The following GRID2 variants were observed in gnomAD, a reference collection of about 807,000 sequenced individuals.
GRID2 encodes the protein glutamate ionotropic receptor delta type subunit 2, also known as glutamate receptor ionotropic, delta-2.
A neutral mutation model predicts 114.8 loss-of-function variants in GRID2; 33 were observed. The ratio of observed to expected loss-of-function variants is 0.29; its 90% confidence interval spans 0.22 to 0.38. GRID2 has a LOEUF of 0.38. GRID2 is among the 10% of genes least tolerant of loss of function. GRID2 has a pLI of 1.00. For missense variants in GRID2, 1,184 were observed against 1,257.7 expected (o/e 0.94, Z 0.89); for synonymous variants, 505 against 449.9 (o/e 1.12, Z -1.55).
At chr4:92,624,427 G>A (rs1231718160) in intron 2 of GRID2, among the ~76,000 whole-genome samples, 2 of 151,802 alleles carry the variant, frequency 1.3e-5, no homozygotes, top group East Asian at 1.9e-4. Context: ...ATAAGATTCT[G>A]TTTTGATCAC....
chr4:92,636,741 C>A (rs1415179992), intron 2 of GRID2, among the ~76,000 whole-genome samples: 1 of 151,950 alleles, frequency 6.6e-6, no homozygotes, highest in African/African-American at 2.4e-5. Context: ...CCCCTGCCAA[C>A]ACACACAGAT....
chr4:93,079,674 T>G (rs938702018), intron 2 of GRID2, among the ~76,000 whole-genome samples: 2 of 152,048 alleles, frequency 1.3e-5, no homozygotes, highest in Non-Finnish European at 2.9e-5. Context: ...AATAATAGCT[T>G]TTCTGCACAC....
chr4:93,191,568 C>T (rs964965594), intron 4 of GRID2, among the ~76,000 whole-genome samples: 7 of 152,034 alleles, frequency 4.6e-5, no homozygotes, highest in South Asian at 2.1e-4. Context: ...TGCACAGAGC[C>T]ATTATTACAT....
rs996558012 is a variant in GRID2 at position 92,629,214 on chromosome 4, G to A, written c.244+38928G>A. ...TCAACCCATTGAATTTTTTTTTCTC[G>A]TATGTATGCCAAGAAAAAGGTCAGT... is the stretch of plus-strand genomic sequence containing the variant. On this transcript the variant is annotated intron_variant, in intron 2 of 15. Transcript: ENST00000282020. Among the ~76,000 whole-genome samples the A allele has an allele frequency of 3.3e-5, 5 of 150,924 alleles. No individual in the cohort carries two copies. The East Asian group carries it at 7.8e-4, about 24-fold the overall frequency.
chr4:92,812,850 C>T (rs1369966598), intron 2 of GRID2, among the ~76,000 whole-genome samples: 1 of 152,084 alleles, frequency 6.6e-6, no homozygotes, highest in African/African-American at 2.4e-5. Flanking sequence ...CTTGAAGTTT[C>T]CTTCTACTTG....
intron 4 of GRID2, among the ~76,000 whole-genome samples, chr4:93,149,427 T>A (rs1736543298): frequency 6.6e-6 from 1 of 151,782 alleles, no homozygotes; most frequent in Admixed American, 6.6e-5. Context: ...TACAAAAAAA[T>A]TAGCCAAGTG....
At chr4:93,545,789 A>ATT in intron 13 of GRID2, among the ~76,000 whole-genome samples, 1 of 152,310 alleles carries the variant, frequency 6.6e-6, no homozygotes, top group African/African-American at 2.4e-5. Context: ...CTATTATACC[A>ATT]CAAAAAAATA....
At chr4:92,569,710 T>G (rs1202782260) in intron 1 of GRID2, among the ~76,000 whole-genome samples, 2 of 152,138 alleles carry the variant, frequency 1.3e-5, no homozygotes, top group Non-Finnish European at 2.9e-5. Flanking sequence ...TTTGTATTTC[T>G]CTAATAATCA....
Position 92,806,166 on chromosome 4 carries a change from G to GACACACACAC in GRID2, c.244+215917_244+215926dup, listed in dbSNP as rs56070810. ...CAAATCTATTAGAAAATAGGCTATC[G>GACACACACAC]ACACACACACACACACACACACACA... On this transcript the variant is annotated intron_variant, in intron 2 of 15. Coordinates refer to ENST00000282020, the MANE Select transcript of GRID2 (RefSeq NM_001510.4). 2.0e-3 allele frequency among the ~76,000 whole-genome samples: 268 copies of GACACACACAC among 133,322 alleles called. 2 individuals are homozygous for GACACACACAC. Among genetic ancestry groups the GACACACACAC allele is most frequent in the African/African-American group, 6.5e-3 (238 of 36,360 alleles). 87.5% of individuals were successfully genotyped at this position (133,322 alleles called of 152,430 possible). A position where few individuals can be genotyped will look rare whatever the true frequency, so the allele number is the denominator to read the frequency against.
At chr4:93,503,299 C>A (rs1728303621) in intron 12 of GRID2, among the ~76,000 whole-genome samples, 1 of 152,020 alleles carries the variant, frequency 6.6e-6, no homozygotes, top group Non-Finnish European at 1.5e-5. Context: ...AGTCTCTTTT[C>A]TCCTACTAAA....
intron 8 of GRID2, among the ~76,000 whole-genome samples, chr4:93,354,366 TAA>T (rs1456024053): frequency 6.6e-6 from 1 of 151,944 alleles, no homozygotes; most frequent in Non-Finnish European, 1.5e-5. Flanking sequence ...TATTGAGAAA[TAA>T]AGATTATGTC....
intron 8 of GRID2, among the ~76,000 whole-genome samples, chr4:93,337,438 T>C (rs1006275130): frequency 2.0e-5 from 3 of 152,174 alleles, no homozygotes; most frequent in African/African-American, 7.2e-5. Context: ...CCCACATGAA[T>C]GTTGAACACA....
At chr4:93,403,969 A>G (rs1021513510) in intron 9 of GRID2, among the ~76,000 whole-genome samples, 2 of 152,196 alleles carry the variant, frequency 1.3e-5, no homozygotes, top group Non-Finnish European at 2.9e-5. Flanking sequence ...AAATGGAAAC[A>G]ACCCAAAGGT....
chr4:92,919,346 A>G (rs912670962), intron 2 of GRID2, among the ~76,000 whole-genome samples: 2 of 151,612 alleles, frequency 1.3e-5, no homozygotes, highest in Admixed American at 6.6e-5. Context: ...TTGTGTCTCT[A>G]TTTCCTTCAG....
intron 2 of GRID2, among the ~76,000 whole-genome samples, chr4:92,908,105 TTG>T (rs1748096088): frequency 6.6e-6 from 1 of 152,134 alleles, no homozygotes; most frequent in South Asian, 2.1e-4. Context: ...GTGCTAAGCA[TTG>T]TGAGATTCAC....
At chr4:93,588,977 G>T (rs1223654730) in intron 13 of GRID2, among the ~76,000 whole-genome samples, 2 of 151,862 alleles carry the variant, frequency 1.3e-5, no homozygotes, top group African/African-American at 4.8e-5. Context: ...CCAGAATGAA[G>T]TCCTAGCTTT....
intron 13 of GRID2, among the ~76,000 whole-genome samples, chr4:93,535,268 A>C (rs1578208610): frequency 1.4e-5 from 2 of 145,656 alleles, no homozygotes; most frequent in East Asian, 4.0e-4. Flanking sequence ...ACACACACAC[A>C]CACCACATTT....
intron 14 of GRID2, among the ~76,000 whole-genome samples, chr4:93,732,930 AAAAAG>A (rs1165024530): frequency 1.3e-5 from 2 of 152,094 alleles, no homozygotes; most frequent in African/African-American, 2.4e-5. Flanking sequence ...ATAAAAAAAA[AAAAAG>A]AAGAGAAACT....
chr4:93,538,642 G>C (rs186715441), intron 13 of GRID2, among the ~76,000 whole-genome samples: 1 of 151,664 alleles, frequency 6.6e-6, no homozygotes, highest in Non-Finnish European at 1.5e-5. Context: ...GATGGGAGAG[G>C]CATTCCACTA....
Sources: gnomAD v4.1 joint callset for allele counts (sites outside exome capture counted in the v4.1 genomes callset) on GRCh38, gnomAD v4.1.1 for gene constraint, MANE v1.5 for transcripts, NCBI Gene and HGNC (gene_info 2026-07-23, HGNC 2026-07-21) for gene names.